ARNT: variants seen among roughly 807,000 people sequenced by gnomAD.
ARNT encodes the protein class E basic helix-loop-helix protein 2.
Under a neutral mutation model 105.0 loss-of-function variants are expected in ARNT, and 30 were observed. The observed-to-expected ratio is 0.29, with a 90% confidence interval of 0.21 to 0.39. The LOEUF (loss-of-function observed/expected upper bound fraction) is 0.39. Among genes scored for constraint, ARNT ranks in the 10% least tolerant of loss-of-function variants. The probability of loss-of-function intolerance (pLI) is 1.00; values close to 1 mark genes in which losing one functional copy is unlikely to be tolerated. For synonymous variants in ARNT, 304 were observed against 344.0 expected, an observed-to-expected ratio of 0.88 and a Z score of 1.29; for missense variants, 748 against 978.7, an observed-to-expected ratio of 0.76 and a Z score of 3.15.
rs3768017 is a variant in ARNT at position 150,826,636 on chromosome 1, A to C, written c.1168-19T>G. 0.088 allele frequency: 137,335 copies of C among 1,569,310 alleles called. 6,932 individuals are homozygous for C. The highest frequency in any genetic ancestry group is 0.18 in the East Asian group (8,173 of 44,530). On this transcript the variant is annotated intron_variant, in intron 12 of 21. Transcript: ENST00000358595. The stretch of plus-strand genomic sequence containing the variant: ...AGAGTTCCTAGAATACAGAAAGAAG[A>C]GTAAGATATATACTTTTTTTTTTTT...
intron 3 of ARNT, 96 bp from the exon 4 acceptor site, chr1:150,846,403 G>GA: frequency 8.1e-7 from 1 of 1,238,686 alleles, no homozygotes; most frequent in Non-Finnish European, 1.1e-6. Context: ...ATATTCAATA[G>GA]AAAAAAAGCC....
rs115825799 is a variant in ARNT, at chr1:150,815,242, T to A, written c.1951-1003A>T. On this transcript the variant is annotated intron_variant, in intron 19 of 21. Coordinates refer to ENST00000358595, the MANE Select transcript of ARNT (RefSeq NM_001668.4). ...TATTTATTGTGCGTTATATTATATATATGAATATTATAAAAGAATTTTTCG... is the reference window on the plus strand; with the variant it reads ...TATTTATTGTGCGTTATATTATATAAATGAATATTATAAAAGAATTTTTCG... 1.7e-3 allele frequency among the ~76,000 whole-genome samples: 263 copies of A among 152,118 alleles called. 1 individual carries two copies. Among genetic ancestry groups the A allele is most frequent in the African/African-American group, 6.0e-3 (251 of 41,524 alleles).
At chr1:150,849,528 G>A (rs1662912339) in intron 3 of ARNT, among the ~76,000 whole-genome samples, 1 of 152,088 alleles carries the variant, frequency 6.6e-6, no homozygotes, top group Non-Finnish European at 1.5e-5. Flanking sequence ...GCTCATGCCT[G>A]TAATCCCAAC....
At position 150,831,895 on chromosome 1, in the gene ARNT, A is replaced by C; in HGVS notation, c.878T>G (p.Leu293Arg). 6.3e-7 allele frequency: 1 copy of C among 1,578,020 alleles called. No individual in the cohort carries two copies. Among genetic ancestry groups the C allele is most frequent in the Non-Finnish European group, 8.6e-7 (1 of 1,164,908 alleles). ...SFVRNRCRNGLGSVKDGEPHF... is the reference protein window; with the variant it reads ...SFVRNRCRNGRGSVKDGEPHF... ...AGGTTCCCCATCCTTTACAGAGCCA[A>C]GTCCATTCCTAGAAGAGTTACAGGA... The change falls in exon 10 of 22, where the codon CTT becomes CGT. Residue 293 changes from leucine (L) to arginine (R), a missense_variant. Coordinates refer to ENST00000358595, the MANE Select transcript of ARNT (RefSeq NM_001668.4).
intron 1 of ARNT, among the ~76,000 whole-genome samples, chr1:150,869,979 C>T (rs756442951): frequency 2.6e-5 from 4 of 152,164 alleles, no homozygotes; most frequent in Admixed American, 2.0e-4. Context: ...GACAATACTC[C>T]ACCTACCTCC....
chr1:150,831,579 A>T, intron 10 of ARNT: 1 of 466,708 alleles, frequency 2.1e-6, no homozygotes, highest in Non-Finnish European at 3.7e-6. Flanking sequence ...TCACATAAAA[A>T]CCACATTCTG....
rs1384096459 is a variant in ARNT at position 150,817,122 on chromosome 1, T to C, written c.1659A>G (p.Arg553=). 1 of 1,614,076 alleles carries C rather than the reference T, an allele frequency of 6.2e-7. No homozygotes were observed. The highest frequency in any genetic ancestry group is 1.3e-5 in the African/African-American group (1 of 74,918). ...EKSDGLFAQD[R]DPRFSEIYHN... ...GATAGATTTCTGAAAATCTTGGATC[T>C]CTATCCTGGGCAAATAAACCATCTG... The change falls in exon 17 of 22, where the codon AGA becomes AGG. Residue 553 remains arginine, a synonymous_variant. Coordinates refer to ENST00000358595, the MANE Select transcript of ARNT (RefSeq NM_001668.4).
rs1277525473 is a variant in ARNT, at chr1:150,842,245, A to T, written c.272+179T>A. On this transcript the variant is annotated intron_variant, in intron 5 of 21. Transcript: ENST00000358595. ...TAAGCAAAGTTCCCTCAACTCACCC[A>T]CTTTCTGATGGGGGAAGCCAAAGTT... 1.4e-5 allele frequency: 14 copies of T among 985,228 alleles called. No homozygotes were observed. In the East Asian group the frequency reaches 1.5e-3, roughly 104 times the overall value. 61.0% of individuals were successfully genotyped at this position (985,228 alleles called of 1,614,324 possible).
intron 3 of ARNT, among the ~76,000 whole-genome samples, chr1:150,850,517 T>G (rs1450619835): frequency 6.6e-6 from 1 of 152,242 alleles, no homozygotes; most frequent in Non-Finnish European, 1.5e-5. Flanking sequence ...CTCCTAACCG[T>G]GAGTGATCCG....
At chr1:150,827,773 A>G (rs1658573777) in intron 12 of ARNT, among the ~76,000 whole-genome samples, 1 of 152,236 alleles carries the variant, frequency 6.6e-6, no homozygotes, top group African/African-American at 2.4e-5. Flanking sequence ...GCTAGTAGCT[A>G]TACCATTTTA....
intron 8 of ARNT, among the ~76,000 whole-genome samples, 187 bp downstream of exon 8, chr1:150,834,351 A>G (rs1659884859): frequency 6.6e-6 from 1 of 152,208 alleles, no homozygotes; most frequent in African/African-American, 2.4e-5. Flanking sequence ...AGCACCTATC[A>G]TAGTGTCTGG....
At chr1:150,836,556 C>T in intron 6 of ARNT, 63 bp from the exon 7 acceptor site, 3 of 1,510,280 alleles carry the variant, frequency 2.0e-6, no homozygotes, top group South Asian at 1.3e-5. Flanking sequence ...TTTCTATTCA[C>T]AGGAAGAAGT....
chr1:150,865,251 G>A (rs764309415), intron 1 of ARNT, among the ~76,000 whole-genome samples: 5 of 151,736 alleles, frequency 3.3e-5, no homozygotes, highest in African/African-American at 4.8e-5. Flanking sequence ...CTCACACACA[G>A]GAAAAAAATT....
At chr1:150,851,111 A>G (rs1663364604) in intron 3 of ARNT, among the ~76,000 whole-genome samples, 1 of 145,126 alleles carries the variant, frequency 6.9e-6, no homozygotes, top group African/African-American at 2.6e-5. Flanking sequence ...CCGGGAAGTG[A>G]GGAGCATCTC....
At chr1:150,826,456 G>T in intron 13 of ARNT, 87 bp downstream of exon 13, 1 of 1,067,752 alleles carries the variant, frequency 9.4e-7, no homozygotes, top group Non-Finnish European at 1.4e-6. Context: ...TGTAGTGCCT[G>T]CCACAGTGTT....
At chr1:150,872,666 A>T (rs1571552752) in intron 1 of ARNT, among the ~76,000 whole-genome samples, 1 of 152,188 alleles carries the variant, frequency 6.6e-6, no homozygotes, top group East Asian at 1.9e-4. Context: ...TCAATTTAAA[A>T]AGTGTTCCAC....
intron 3 of ARNT, among the ~76,000 whole-genome samples, chr1:150,848,923 G>C (rs1454529931): frequency 2.6e-5 from 4 of 152,150 alleles, no homozygotes; most frequent in Admixed American, 2.6e-4. Flanking sequence ...AAAGAAATGG[G>C]CCGGGTGTGG....
chr1:150,846,452 C>A, intron 3 of ARNT, 145 bp from the exon 4 acceptor site: 1 of 743,266 alleles, frequency 1.3e-6, no homozygotes, highest in East Asian at 2.7e-5. Context: ...ATAACAGCAG[C>A]ACCCCATAGA....
At chr1:150,852,832 T>C in intron 2 of ARNT, 26 bp from the exon 3 acceptor site, 1 of 1,613,692 alleles carries the variant, frequency 6.2e-7, no homozygotes, top group Non-Finnish European at 8.5e-7. Context: ...AATAAATACT[T>C]TAAGCCTGCT....
Sources: allele counts gnomAD v4.1 joint callset (sites outside exome capture counted in the v4.1 genomes callset), GRCh38; gene constraint gnomAD v4.1.1; transcripts MANE v1.5; gene names NCBI Gene and HGNC (gene_info 2026-07-23, HGNC 2026-07-21).